SPDYE21: variants seen among roughly 807,000 people sequenced by gnomAD.
SPDYE21 encodes speedy/RINGO cell cycle regulator family member E21.
In SPDYE21, 14 loss-of-function variants were observed where a neutral mutation model predicts 36.2. The ratio of observed to expected loss-of-function variants is 0.39; its 90% CI spans 0.26 to 0.61. The LOEUF (loss-of-function observed/expected upper bound fraction) is 0.61. SPDYE21 is among the 20% of genes least tolerant of loss of function. The pLI, the probability that SPDYE21 is intolerant of heterozygous loss-of-function variation, is 0.55. For missense variants in SPDYE21, 233 were observed against 424.6 expected (o/e 0.55, Z 3.97); for synonymous variants, 58 against 155.1 (o/e 0.37, Z 4.65).
chr7:67,280,070 TG>T, intron 3 of SPDYE21, 34 bp downstream of exon 3: 1 of 1,560,408 alleles, frequency 6.4e-7, no homozygotes, highest in Non-Finnish European at 8.6e-7. Context: ...CCTCCAATCC[TG>T]TTCTTTCTAA....
At chr7:67,281,080 G>A (rs62465054) in intron 3 of SPDYE21, among the ~76,000 whole-genome samples, 4,420 of 63,504 alleles carry the variant, frequency 0.07, 12 homozygotes, top group African/African-American at 0.22. Flanking sequence ...AGACTGTTTC[G>A]CAACAACAAC....
chr7:67,283,097 T>C (rs1441750856), intron 5 of SPDYE21, among the ~76,000 whole-genome samples: 1 of 151,654 alleles, frequency 6.6e-6, no homozygotes, highest in African/African-American at 2.4e-5. Context: ...TCAGCCACTG[T>C]GCCCGACCAG....
At position 67,278,331 on chromosome 7, in the gene SPDYE21, C is replaced by A. The variant is rs1399492029; in HGVS notation, c.-383C>A. 7.2e-6 allele frequency among the ~76,000 whole-genome samples: 1 copy of A among 138,956 alleles called. No individual in the cohort carries two copies. The highest frequency in any genetic ancestry group is 1.6e-5 in the Non-Finnish European group (1 of 64,046). 91.2% of individuals were successfully genotyped at this position (138,956 alleles called of 152,430 possible). On this transcript the variant is annotated 5_prime_UTR_variant, in exon 2 of 9. Coordinates refer to ENST00000424157, the MANE Select transcript of SPDYE21 (RefSeq NM_001382715.2). Reference sequence around the variant, plus strand: ...TGGGCATGTACAGAGACGAAGAGACCCCAACATGCTTCAGGCTTTGAGTGG... The same window carrying A: ...TGGGCATGTACAGAGACGAAGAGACACCAACATGCTTCAGGCTTTGAGTGG...
rs199982543 is a variant in SPDYE21, at chr7:67,286,418, C to T, written c.1130C>T (p.Ser377Phe). Residue 377 changes from serine (S) to phenylalanine (F), a missense_variant, in exon 7 of 9, where the codon TCC becomes TTC. Physicochemically the swap from Ser to Phe is radical, Grantham distance 155. Around this residue, in one of 4 missense-constraint regions of SPDYE21, gnomAD observed 139 missense variants for 175.8 expected, o/e 0.79. Coordinates refer to ENST00000424157, the MANE Select transcript of SPDYE21 (RefSeq NM_001382715.2). ...FCSMSGRAWV[S>F]PEELEEIQAY... ...TCCATGAGCGGCAGGGCTTGGGTTT[C>T]CCCGGAGGAGTTGGAGGAGGTGAGT... 6.4e-4 allele frequency among the ~76,000 whole-genome samples: 97 copies of T among 152,216 alleles called. No homozygotes were observed. The highest frequency in any genetic ancestry group is 1.0e-3 in the Non-Finnish European group (71 of 68,016).
In SPDYE21 at chr7:67,286,621, G is replaced by C. The variant is rs895583162; in HGVS notation, c.*2G>C. ...CGAGATCGCGCTCACCTTTCCTAGA[G>C]CTCCAGGGACCGTGGAGGCCTGAGG... is the stretch of plus-strand genomic sequence containing the variant. On this transcript the variant is annotated 3_prime_UTR_variant, in exon 8 of 9. Transcript: ENST00000424157. Among the ~76,000 whole-genome samples the C allele has an allele frequency of 6.6e-6, 1 of 152,044 alleles. No homozygotes were observed. Among genetic ancestry groups the C allele is most frequent in the African/African-American group, 2.4e-5 (1 of 41,400 alleles).
intron 5 of SPDYE21, among the ~76,000 whole-genome samples, chr7:67,283,581 C>G (rs1332717271): frequency 6.6e-6 from 1 of 152,146 alleles, no homozygotes; most frequent in East Asian, 1.9e-4. Context: ...AATCTCCTGG[C>G]CCCTCTACTC....
intron 6 of SPDYE21, among the ~76,000 whole-genome samples, chr7:67,284,469 C>A (rs1164052431): frequency 3.1e-5 from 3 of 97,908 alleles, no homozygotes; most frequent in Non-Finnish European, 4.2e-5. Context: ...AAAAAAAAAG[C>A]CAAAAAAACA....
In SPDYE21 at chr7:67,277,011, C is replaced by G. The variant is rs948947601; in HGVS notation, c.-474C>G. ...GTGTGCCTTTTCTATGAGCGAGAGA[C>G]TCCTAGGAAAGCAGCAGCCCATTAG... is the stretch of plus-strand genomic sequence containing the variant. On this transcript the variant is annotated 5_prime_UTR_variant, in exon 1 of 9. Transcript: ENST00000424157. Among the ~76,000 whole-genome samples, 1 of 152,106 alleles carries G rather than the reference C, an allele frequency of 6.6e-6. No homozygotes were observed. The highest frequency in any genetic ancestry group is 2.4e-5 in the African/African-American group (1 of 41,426).
At chr7:67,285,910 G>A in intron 6 of SPDYE21, 134 bp from the exon 7 acceptor site, 1 of 1,509,296 alleles carries the variant, frequency 6.6e-7, no homozygotes, top group Non-Finnish European at 9.0e-7. Flanking sequence ...TCCTGAGGAA[G>A]GCGTGGCTCT....
chr7:67,287,178 G>C (rs1802754143), intron 8 of SPDYE21, among the ~76,000 whole-genome samples: 1 of 152,172 alleles, frequency 6.6e-6, no homozygotes, highest in African/African-American at 2.4e-5. Flanking sequence ...TACAAGTTTA[G>C]ATCTTAAGTG....
rs1409985546 is a variant in SPDYE21, at chr7:67,287,616, C to A, written c.*144C>A. ...GAGAAGAGGAACCATTTGTGCAGAT[C>A]ATCTAGAAGAACCTGGACCATTCTT... On this transcript the variant is annotated 3_prime_UTR_variant, in exon 9 of 9. Coordinates refer to ENST00000424157, the MANE Select transcript of SPDYE21 (RefSeq NM_001382715.2). 6.9e-6 allele frequency among the ~76,000 whole-genome samples: 1 copy of A among 145,126 alleles called. No homozygotes were observed. Among genetic ancestry groups the A allele is most frequent in the Non-Finnish European group, 1.5e-5 (1 of 67,200 alleles).
At chr7:67,280,444 G>A (rs2116504870) in intron 3 of SPDYE21, among the ~76,000 whole-genome samples, 1 of 152,182 alleles carries the variant, frequency 6.6e-6, no homozygotes, top group East Asian at 1.9e-4. Flanking sequence ...GCTCATGCCT[G>A]TAATCCCGTT....
intron 8 of SPDYE21, among the ~76,000 whole-genome samples, 154 bp from the exon 9 acceptor site, chr7:67,287,364 A>G (rs1338308848): frequency 6.6e-6 from 1 of 152,044 alleles, no homozygotes; most frequent in African/African-American, 2.4e-5. Flanking sequence ...ACAGTTGAAC[A>G]CGATGGTTCA....
chr7:67,284,726 T>C (rs375002506), intron 6 of SPDYE21, among the ~76,000 whole-genome samples: 1 of 151,064 alleles, frequency 6.6e-6, no homozygotes, highest in Non-Finnish European at 1.5e-5. Context: ...AAATGCTCCC[T>C]GCTGGGGTCT....
chr7:67,278,169 CATG>C lies in SPDYE21; in HGVS notation c.-422-120_-422-118del, dbSNP rs1269355994. Among the ~76,000 whole-genome samples, 99 of 80,184 alleles carry C rather than the reference CATG, an allele frequency of 1.2e-3. 34 individuals are homozygous for C. The highest frequency in any genetic ancestry group is 5.5e-3 in the African/African-American group (95 of 17,350). 52.6% of individuals were successfully genotyped at this position (80,184 alleles called of 152,430 possible). On this transcript the variant is annotated intron_variant, in intron 1 of 8. Transcript: ENST00000424157. ...TGCACATGATAATCTCACTCTTGTA[CATG>C]ATAATCTCACTCTTGCACATGATAA...
At chr7:67,279,197 AG>A (rs1471096956) in intron 2 of SPDYE21, among the ~76,000 whole-genome samples, 2 of 149,478 alleles carry the variant, frequency 1.3e-5, no homozygotes, top group Non-Finnish European at 3.0e-5. Flanking sequence ...AAAAAAAAAA[AG>A]AAAAAAGAAA....
intron 3 of SPDYE21, among the ~76,000 whole-genome samples, chr7:67,280,691 CAAAAAAAAAAAAAAAAAA>C (rs1180256690): frequency 3.3e-4 from 5 of 15,046 alleles, no homozygotes; most frequent in African/African-American, 9.5e-4. Flanking sequence ...GAAGCTGTCT[CAAAAAAAAAAAAAAAAAA>C]AAAAAAAAAA....
intron 3 of SPDYE21, 104 bp downstream of exon 3, chr7:67,280,140 T>C (rs1802606578): frequency 6.7e-7 from 1 of 1,498,516 alleles, no homozygotes; most frequent in East Asian, 2.5e-5. Context: ...CCCCAGTGGG[T>C]GAGCTCTCCA....
intron 6 of SPDYE21, among the ~76,000 whole-genome samples, chr7:67,285,589 C>T (rs931734116): frequency 2.0e-5 from 3 of 151,804 alleles, no homozygotes; most frequent in African/African-American, 7.3e-5. Flanking sequence ...GGGGTTTCTC[C>T]GTGTTGACCA....
Sources: allele counts gnomAD v4.1 joint callset (sites outside exome capture counted in the v4.1 genomes callset), GRCh38; gene constraint gnomAD v4.1.1; regional missense constraint gnomAD v4.1.1; transcripts MANE v1.5; gene names NCBI Gene and HGNC (gene_info 2026-07-23, HGNC 2026-07-21).